Variants in SLC12A7 observed in about 807,000 individuals in gnomAD.
SLC12A7 encodes solute carrier family 12 member 7, also known as K-Cl cotransporter 4.
In SLC12A7, 100 loss-of-function variants were observed where a neutral mutation model predicts 120.6. The ratio of observed to expected loss-of-function variants is 0.83; its 90% CI spans 0.71 to 0.98. The LOEUF (loss-of-function observed/expected upper bound fraction) is 0.98, where lower values mean the gene tolerates loss of function less well. Among genes scored for constraint, SLC12A7 ranks in the 50% least tolerant of loss-of-function variants. The pLI is 0.00. For missense variants in SLC12A7, 1,373 were observed against 1,548.1 expected, an observed-to-expected ratio of 0.89 and a Z score of 1.90; for synonymous variants, 760 against 678.0, an observed-to-expected ratio of 1.12 and a Z score of -1.88.
chr5:1,115,197 A>C (rs1039515381), upstream of SLC12A7, among the ~76,000 whole-genome samples: 2 of 152,218 alleles, frequency 1.3e-5, no homozygotes, highest in Non-Finnish European at 2.9e-5. Context: ...GGCCGTGTGC[A>C]GGGCACAGCC....
chr5:1,093,008 C>T (rs1018835219), intron 3 of SLC12A7, among the ~76,000 whole-genome samples: 1 of 152,156 alleles, frequency 6.6e-6, no homozygotes, highest in Non-Finnish European at 1.5e-5. Flanking sequence ...CCCACAGAAA[C>T]CACTCAAGGG....
rs1407444021 is a variant in SLC12A7 at position 1,111,928 on chromosome 5, C to T, written c.64G>A (p.Ala22Thr). 1.6e-6 allele frequency: 2 copies of T among 1,281,802 alleles called. No homozygotes were observed. The highest frequency in any genetic ancestry group is 3.4e-5 in the Admixed American group (1 of 29,526). 79.4% of individuals were successfully genotyped at this position (1,281,802 alleles called of 1,614,324 possible). A position where few individuals can be genotyped will look rare whatever the true frequency, so the allele number is the denominator to read the frequency against. The change falls in exon 1 of 24, where the codon GCC becomes ACC. Residue 22 changes from alanine to threonine, a missense_variant. Physicochemically the swap from Ala to Thr is moderately conservative, Grantham distance 58. Transcript: ENST00000264930. ...AHADGGGDETAERTEAPGTPE... is the reference protein window; with the variant it reads ...AHADGGGDETTERTEAPGTPE... ...GTGCCCGGAGCCTCCGTCCGCTCGG[C>T]AGTCTCGTCCCCGCCGCCGTCGGCG...
chr5:1,058,662 A>ATGGGGGAGGGCC (rs1169188267), intron 21 of SLC12A7, among the ~76,000 whole-genome samples: 4 of 152,226 alleles, frequency 2.6e-5, no homozygotes, highest in Non-Finnish European at 5.9e-5. Context: ...ATTGGCACAG[A>ATGGGGGAGGGCC]TGGGGGAGGG....
intron 3 of SLC12A7, 33 bp downstream of exon 3, chr5:1,093,500 G>GGGACTGGGCGA (rs747325521): frequency 1.9e-6 from 3 of 1,562,152 alleles, no homozygotes; most frequent in Non-Finnish European, 2.6e-6. Context: ...ACACGGGGCG[G>GGGACTGGGCGA]GGACTGGGCG....
rs145418821 is a variant in SLC12A7 at position 1,081,623 on chromosome 5, C to A, written c.1251G>T (p.Ala417=). Residue 417 remains alanine (A), a synonymous_variant, in exon 9 of 24, where the codon GCG becomes GCT. Transcript: ENST00000264930. ...SALPYVLTDI[A]ASFTLLVGIY... ...TGCCAACCAGCAGGGTGAAGGAGGC[C>A]GCGATGTCGGTGAGCACGTAGGGCA... 3.1e-6 allele frequency: 5 copies of A among 1,611,040 alleles called. No individual in the cohort carries two copies. Among genetic ancestry groups the A allele is most frequent in the Admixed American group, 3.3e-5 (2 of 59,966 alleles).
intron 15 of SLC12A7, among the ~76,000 whole-genome samples, chr5:1,074,933 G>T (rs2150829944): frequency 6.6e-6 from 1 of 152,282 alleles, no homozygotes; most frequent in South Asian, 2.1e-4. Flanking sequence ...CACAGGACGG[G>T]GGACAGGAGG....
At chr5:1,067,960 G>A (rs1188399884) in intron 17 of SLC12A7, among the ~76,000 whole-genome samples, 1 of 152,200 alleles carries the variant, frequency 6.6e-6, no homozygotes, top group Admixed American at 6.5e-5. Flanking sequence ...AGGCCTCCGT[G>A]CAGACAGACC....
At chr5:1,142,594 CT>C in the SLC12A7 span, among the ~76,000 whole-genome samples, 3 of 143,764 alleles carry the variant, frequency 2.1e-5, no homozygotes, top group African/African-American at 5.3e-5. Context: ...CCATCTGTCT[CT>C]GTCTGTTTTT....
At chr5:1,070,037 CCCCCAGTG>C (rs1429250568) in intron 17 of SLC12A7, among the ~76,000 whole-genome samples, 16 of 5,978 alleles carry the variant, frequency 2.7e-3, no homozygotes, top group Admixed American at 7.9e-3. Context: ...ACTTATGCAG[CCCCCAGTG>C]AGCCCCCAGT....
At chr5:1,097,138 A>G (rs1741345027) in intron 1 of SLC12A7, among the ~76,000 whole-genome samples, 2 of 152,194 alleles carry the variant, frequency 1.3e-5, no homozygotes, top group Non-Finnish European at 2.9e-5. Context: ...TGGAAAGCAC[A>G]GGTTTACTGG....
chr5:1,106,451 C>CAAAA (rs36005053), intron 1 of SLC12A7, among the ~76,000 whole-genome samples: 1 of 81,832 alleles, frequency 1.2e-5, no homozygotes, highest in Non-Finnish European at 2.3e-5. Context: ...AACTCTGTCT[C>CAAAA]AAAAAAAAAA....
At chr5:1,150,580 A>C in the SLC12A7 span, among the ~76,000 whole-genome samples, 3 of 152,268 alleles carry the variant, frequency 2.0e-5, no homozygotes, top group Admixed American at 2.0e-4. Flanking sequence ...TGGAAAAAGA[A>C]GCCAAATTAA....
rs772986114 is a variant in SLC12A7, at chr5:1,065,330, G to A, written c.2390C>T (p.Ala797Val). The change falls in exon 18 of 24, where the codon GCA (alanine) becomes GTA (valine). Residue 797 changes from alanine (A) to valine (V), a missense_variant. Coordinates refer to ENST00000264930, the MANE Select transcript of SLC12A7 (RefSeq NM_006598.3). Reference sequence around the variant, plus strand: ...GGGGTTGTCCTCCTGCTTCCAGGATGCGGGCCAGGCCATGAGCACCGTGTT... The same window carrying A: ...GGGGTTGTCCTCCTGCTTCCAGGATACGGGCCAGGCCATGAGCACCGTGTT... ...KHNTVLMAWP[A>V]SWKQEDNPFS... 1 of 1,599,918 alleles carries A rather than the reference G, an allele frequency of 6.3e-7. No individual in the cohort carries two copies. The highest frequency in any genetic ancestry group is 1.1e-5 in the South Asian group (1 of 89,736).
chr5:1,052,048 G>A lies in SLC12A7; in HGVS notation c.*312C>T, dbSNP rs559476710. 7.4e-6 allele frequency: 3 copies of A among 404,208 alleles called. No individual in the cohort carries two copies. The highest frequency in any genetic ancestry group is 1.3e-5 in the Non-Finnish European group (3 of 226,548). 25.0% of individuals were successfully genotyped at this position (404,208 alleles called of 1,614,324 possible). On this transcript the variant is annotated 3_prime_UTR_variant, in exon 24 of 24. Coordinates refer to ENST00000264930, the MANE Select transcript of SLC12A7 (RefSeq NM_006598.3). ...AAGGAAAAGAACTTCCAGAAACCAA[G>A]GCAAGGGCTCACTGGCTTCTTGTGA...
intron 20 of SLC12A7, among the ~76,000 whole-genome samples, 180 bp downstream of exon 20, chr5:1,063,664 G>A (rs184475122): frequency 9.0e-3 from 57 of 6,300 alleles, no homozygotes; most frequent in Non-Finnish European, 0.014. Context: ...CCCACCTCAC[G>A]AGGCCACAGC....
the SLC12A7 span, among the ~76,000 whole-genome samples, chr5:1,134,579 G>A: frequency 6.6e-6 from 1 of 152,120 alleles, no homozygotes; most frequent in Non-Finnish European, 1.5e-5. Flanking sequence ...CGGTGGGAGT[G>A]TAAATTGGTA....
chr5:1,065,466 G>A lies in SLC12A7; in HGVS notation c.2254C>T (p.Leu752=). The A allele has an allele frequency of 6.3e-7, 1 of 1,593,324 alleles. No individual in the cohort carries two copies. The highest frequency in any genetic ancestry group is 1.7e-5 in the Admixed American group (1 of 58,270). Residue 752 remains leucine, a synonymous_variant, in exon 18 of 24, where the codon CTA becomes TTA. Coordinates refer to ENST00000264930, the MANE Select transcript of SLC12A7 (RefSeq NM_006598.3). ...CCCTTGGTCTTCTCTGTGCTCATTA[G>A]GGACCGTATGTTCTGCGGGAGACAG... ...AQRAEENIRS[L]MSTEKTKGFC... is the part of the protein sequence containing the mutation.
chr5:1,052,294 G>T lies in SLC12A7; in HGVS notation c.*66C>A. 1 of 1,366,028 alleles carries T rather than the reference G, an allele frequency of 7.3e-7. No homozygotes were observed. The allele number at this position is 1,366,028 out of a possible 1,614,324, so 84.6% of individuals were successfully genotyped here. A position where few individuals can be genotyped will look rare whatever the true frequency, so the allele number is the denominator to read the frequency against. On this transcript the variant is annotated 3_prime_UTR_variant, in exon 24 of 24. Coordinates refer to ENST00000264930, the MANE Select transcript of SLC12A7 (RefSeq NM_006598.3). The stretch of plus-strand genomic sequence containing the variant: ...TCTGCCGTCTGTTTCCCTGGGCCAA[G>T]CCCAGGCCCAGGCTGCCCACGCCGT...
chr5:1,142,996 G>A, the SLC12A7 span, among the ~76,000 whole-genome samples: 106 of 152,084 alleles, frequency 7.0e-4, 1 homozygote, highest in African/African-American at 2.5e-3. Flanking sequence ...TGGTAACGGG[G>A]GCTGAGAGGC....
Sources: gnomAD v4.1 joint callset for allele counts (sites outside exome capture counted in the v4.1 genomes callset) on GRCh38, gnomAD v4.1.1 for gene constraint, MANE v1.5 for transcripts, NCBI Gene and HGNC (gene_info 2026-07-23, HGNC 2026-07-21) for gene names.